Variants in SLC9B1 observed in about 807,000 individuals in gnomAD.
SLC9B1 encodes solute carrier family 9 member B1.
Under a neutral mutation model 51.7 loss-of-function variants are expected in SLC9B1, and 32 were observed. The observed-to-expected ratio is 0.62, with a 90% CI of 0.47 to 0.83. SLC9B1 has a LOEUF of 0.83. SLC9B1 is among the 40% of genes least tolerant of loss of function. The pLI, the probability that SLC9B1 is intolerant of heterozygous loss-of-function variation, is 0.00. For missense variants in SLC9B1, 406 were observed against 613.2 expected (o/e 0.66, Z 3.57); for synonymous variants, 145 against 212.7 (o/e 0.68, Z 2.77).
intron 6 of SLC9B1, among the ~76,000 whole-genome samples, chr4:102,939,971 C>G (rs1228249511): frequency 6.6e-6 from 1 of 152,154 alleles, no homozygotes; most frequent in Non-Finnish European, 1.5e-5. Flanking sequence ...TCTCACTACT[C>G]CTATTCAACA....
chr4:102,911,366 C>T, intron 8 of SLC9B1, 65 bp downstream of exon 8: 6 of 1,154,850 alleles, frequency 5.2e-6, no homozygotes, highest in Non-Finnish European at 7.4e-6. Flanking sequence ...TCGACCTTAC[C>T]AAAGTTTAAT....
At chr4:102,898,570 C>G (rs1734645807), downstream of SLC9B1, among the ~76,000 whole-genome samples, 1 of 152,118 alleles carries the variant, frequency 6.6e-6, no homozygotes, top group South Asian at 2.1e-4. Flanking sequence ...TGTGGAATAG[C>G]TCAGAATGTC....
chr4:102,947,128 T>C (rs995756239), intron 4 of SLC9B1, among the ~76,000 whole-genome samples: 18 of 152,140 alleles, frequency 1.2e-4, no homozygotes, highest in Non-Finnish European at 5.9e-5. Context: ...ATAATGAGTC[T>C]TGCGTTTTTT....
intron 6 of SLC9B1, among the ~76,000 whole-genome samples, chr4:102,935,465 C>T (rs1736674007): frequency 6.6e-6 from 1 of 152,000 alleles, no homozygotes; most frequent in Non-Finnish European, 1.5e-5. Context: ...TGCATATAAC[C>T]CAGGTAACTA....
At chr4:102,968,257 T>A (rs1578388568) in intron 3 of SLC9B1, among the ~76,000 whole-genome samples, 1 of 152,190 alleles carries the variant, frequency 6.6e-6, no homozygotes, top group East Asian at 1.9e-4. Context: ...GAAAAAGATG[T>A]TCTTTCAACA....
chr4:102,989,441 T>C (rs1373806070), intron 3 of SLC9B1, among the ~76,000 whole-genome samples: 2 of 152,002 alleles, frequency 1.3e-5, no homozygotes, highest in African/African-American at 4.8e-5. Flanking sequence ...GGCCCAATTT[T>C]AATAAGAAAC....
At chr4:102,992,533 A>C (rs1017958526) in intron 1 of SLC9B1, among the ~76,000 whole-genome samples, 7 of 152,222 alleles carry the variant, frequency 4.6e-5, no homozygotes, top group African/African-American at 1.7e-4. Flanking sequence ...TTAACAGTTG[A>C]GTAGCTACCA....
intron 6 of SLC9B1, among the ~76,000 whole-genome samples, chr4:102,934,577 T>A (rs1736621978): frequency 6.6e-6 from 1 of 151,976 alleles, no homozygotes; most frequent in Non-Finnish European, 1.5e-5. Flanking sequence ...GGCGGACAGA[T>A]CAGGAGTTTG....
At chr4:103,012,721 T>C (rs759846064) in intron 1 of SLC9B1, among the ~76,000 whole-genome samples, 2 of 152,212 alleles carry the variant, frequency 1.3e-5, no homozygotes, top group Non-Finnish European at 2.9e-5. Flanking sequence ...GGCTGGGAAA[T>C]CCAAGATTAA....
downstream of SLC9B1, among the ~76,000 whole-genome samples, chr4:102,895,979 A>G (rs1359065090): frequency 6.6e-6 from 1 of 152,198 alleles, no homozygotes; most frequent in East Asian, 1.9e-4. Context: ...TTAAACATCC[A>G]ATTGTGTTAA....
Position 102,945,430 on chromosome 4 carries a change from C to T in SLC9B1, c.526-110G>A, listed in dbSNP as rs1221781983. 44 of 1,202,046 alleles carry T rather than the reference C, an allele frequency of 3.7e-5. 1 individual carries two copies. In the Admixed American group the frequency reaches 1.1e-3, roughly 30 times the overall value. 74.5% of individuals were successfully genotyped at this position (1,202,046 alleles called of 1,614,324 possible). Reference sequence around the variant, plus strand: ...TTTTTCATAAGAAGCTTTCACTAAACGAAATCTCATTTCAACAGATTGTCC... The same window carrying T: ...TTTTTCATAAGAAGCTTTCACTAAATGAAATCTCATTTCAACAGATTGTCC... On this transcript the variant is annotated intron_variant, in intron 5 of 11. Transcript: ENST00000296422.
intron 8 of SLC9B1, 133 bp from the exon 9 acceptor site, chr4:102,910,721 T>A (rs1284192516): frequency 2.4e-6 from 1 of 422,348 alleles, no homozygotes; most frequent in Non-Finnish European, 3.7e-6. Flanking sequence ...AAAATTTTGA[T>A]TTTCTTTCTC....
intron 3 of SLC9B1, among the ~76,000 whole-genome samples, chr4:102,956,089 G>C (rs1737798227): frequency 1.3e-5 from 2 of 152,070 alleles, no homozygotes; most frequent in Non-Finnish European, 2.9e-5. Context: ...GTAAAATCCT[G>C]AGTACTGAGT....
chr4:102,951,538 G>T (rs927160510), intron 3 of SLC9B1, among the ~76,000 whole-genome samples: 2 of 151,454 alleles, frequency 1.3e-5, no homozygotes, highest in Non-Finnish European at 2.9e-5. Context: ...TGAAAGCATT[G>T]TAAAATAATT....
At chr4:102,968,208 C>T (rs1443818035) in intron 3 of SLC9B1, among the ~76,000 whole-genome samples, 1 of 152,140 alleles carries the variant, frequency 6.6e-6, no homozygotes, top group Non-Finnish European at 1.5e-5. Flanking sequence ...CATAAATAGT[C>T]AATTGATTTT....
chr4:102,894,939 AC>A (rs1474648440), intron 11 of SLC9B1, among the ~76,000 whole-genome samples: 1 of 152,220 alleles, frequency 6.6e-6, no homozygotes, highest in Non-Finnish European at 1.5e-5. Flanking sequence ...TCTCAAAAAA[AC>A]AAACAAAACT....
intron 3 of SLC9B1, among the ~76,000 whole-genome samples, chr4:102,985,830 C>T (rs1423406283): frequency 1.3e-5 from 2 of 151,992 alleles, no homozygotes; most frequent in African/African-American, 4.8e-5. Flanking sequence ...TGGTCAAAGT[C>T]CACTTTCAAA....
Position 102,901,205 on chromosome 4 carries a change from A to T in SLC9B1, c.1460T>A (p.Leu487His). ...ILITAPNGAL[L>H]MGILGPKMLT... ...CATTTTAGGCCCCAGAATGCCCATA[A>T]GTAGAGCTCCATTTGGAGCTGTGAT... is the stretch of plus-strand genomic sequence containing the variant. The change falls in exon 12 of 12, where the codon CTT (leucine) becomes CAT (histidine). Residue 487 changes from leucine (L) to histidine (H), a missense_variant. Leu to His is a moderately conservative substitution (Grantham distance 99). Coordinates refer to ENST00000296422, the MANE Select transcript of SLC9B1 (RefSeq NM_139173.4). 6.2e-7 allele frequency: 1 copy of T among 1,612,078 alleles called. No individual in the cohort carries two copies.
intron 3 of SLC9B1, among the ~76,000 whole-genome samples, chr4:102,987,280 G>C (rs1436169598): frequency 6.6e-6 from 1 of 152,152 alleles, no homozygotes; most frequent in African/African-American, 2.4e-5. Context: ...CAACTATGTG[G>C]AAGGCTAGAG....
Sources: gnomAD v4.1 joint callset for allele counts (sites outside exome capture counted in the v4.1 genomes callset) on GRCh38, gnomAD v4.1.1 for gene constraint, MANE v1.5 for transcripts, NCBI Gene and HGNC (gene_info 2026-07-23, HGNC 2026-07-21) for gene names.